Variants in TOP2B observed in about 807,000 individuals in gnomAD.
TOP2B encodes DNA topoisomerase 2-beta.
In TOP2B, 51 loss-of-function variants were observed where a neutral mutation model predicts 193.5. That is an observed-to-expected ratio of 0.26 (90% CI 0.21 to 0.33). The LOEUF is 0.33. TOP2B is among the 10% of genes least tolerant of loss of function. The pLI is 1.00. For missense variants in TOP2B, 1,378 were observed against 1,909.3 expected (o/e 0.72, Z 5.19); for synonymous variants, 634 against 635.7 (o/e 1.00, Z 0.04).
intron 1 of TOP2B, among the ~76,000 whole-genome samples, chr3:25,661,894 CTATTTT>C (rs1703924656): frequency 1.3e-5 from 2 of 152,148 alleles, no homozygotes; most frequent in Non-Finnish European, 1.5e-5. Context: ...GGGGCTAATT[CTATTTT>C]TATTTCTTTC....
chr3:25,622,095 T>C (rs1345536361), intron 21 of TOP2B, among the ~76,000 whole-genome samples: 1 of 152,214 alleles, frequency 6.6e-6, no homozygotes, highest in Non-Finnish European at 1.5e-5. Flanking sequence ...ACTTCAAGCC[T>C]TGATGCTTTG....
At chr3:25,611,380 G>A (rs1424890291) in intron 28 of TOP2B, among the ~76,000 whole-genome samples, 1 of 152,120 alleles carries the variant, frequency 6.6e-6, no homozygotes, top group Non-Finnish European at 1.5e-5. Context: ...GAAGAGAAAG[G>A]CTACTCTGGT....
Position 25,626,640 on chromosome 3 carries a change from G to C in TOP2B, c.2144C>G (p.Thr715Ser). Reference sequence around the variant, plus strand: ...TTCCTTGTTGATGAAATCATTATAAGTCAAATGCTTTGTTGCAGTACCATA... The same window carrying C: ...TTCCTTGTTGATGAAATCATTATAACTCAAATGCTTTGTTGCAGTACCATA... ...FLYGTATKHL[T>S]YNDFINKELI... is the part of the protein sequence containing the mutation. Residue 715 changes from threonine (T) to serine (S), a missense_variant, in exon 18 of 36, where the codon ACT (threonine) becomes AGT (serine). Transcript: ENST00000264331. 1 of 1,539,496 alleles carries C rather than the reference G, an allele frequency of 6.5e-7. No homozygotes were observed. Among genetic ancestry groups the C allele is most frequent in the Non-Finnish European group, 8.7e-7 (1 of 1,144,828 alleles).
In TOP2B at chr3:25,664,577, A is replaced by G. The variant is rs1704032893; in HGVS notation, c.-280T>C. 1.9e-6 allele frequency: 2 copies of G among 1,043,372 alleles called. No individual in the cohort carries two copies. The highest frequency in any genetic ancestry group is 5.6e-5 in the Admixed American group (1 of 17,768). The allele number at this position is 1,043,372 out of a possible 1,614,324, so 64.6% of individuals were successfully genotyped here. On this transcript the variant is annotated 5_prime_UTR_variant, in exon 1 of 36. Transcript: ENST00000264331. ...AGCAGGGAGCGACCGGCGGCGGCCG[A>G]GCGGCGGCGTTGCCTTCTCGCCCGC... is the stretch of plus-strand genomic sequence containing the variant.
chr3:25,644,962 AT>A (rs112922438), intron 2 of TOP2B, among the ~76,000 whole-genome samples: 310 of 144,674 alleles, frequency 2.1e-3, no homozygotes, highest in Middle Eastern at 7.2e-3. Context: ...CACCCAGAAA[AT>A]TTTTTTTTTT....
chr3:25,660,113 GA>G (rs1379040517), intron 1 of TOP2B, among the ~76,000 whole-genome samples: 7 of 152,124 alleles, frequency 4.6e-5, no homozygotes, highest in African/African-American at 9.7e-5. Flanking sequence ...CTTCGATTCA[GA>G]AAAATTAAGT....
intron 20 of TOP2B, 66 bp from the exon 21 acceptor site, chr3:25,623,812 A>G (rs1166008565): frequency 3.0e-6 from 3 of 1,013,746 alleles, no homozygotes; most frequent in African/African-American, 3.3e-5. Flanking sequence ...CTTTATACAT[A>G]ATTAAAAACT....
At chr3:25,631,119 T>C (rs1702944330) in intron 10 of TOP2B, among the ~76,000 whole-genome samples, 180 bp from the exon 11 acceptor site, 1 of 152,094 alleles carries the variant, frequency 6.6e-6, no homozygotes, top group Admixed American at 6.6e-5. Flanking sequence ...TACTGTAAAA[T>C]TAAAGCTAAA....
At chr3:25,635,085 A>C (rs1275414396) in intron 7 of TOP2B, among the ~76,000 whole-genome samples, 1 of 152,178 alleles carries the variant, frequency 6.6e-6, no homozygotes, top group African/African-American at 2.4e-5. Context: ...GAGCTGCAAG[A>C]GACAGATCAC....
At chr3:25,626,088 C>G (rs1357895702) in intron 18 of TOP2B, among the ~76,000 whole-genome samples, 2 of 151,844 alleles carry the variant, frequency 1.3e-5, no homozygotes, top group Non-Finnish European at 2.9e-5. Flanking sequence ...GATAGAAGAT[C>G]AAAATCTGCT....
At position 25,604,776 on chromosome 3, in the gene TOP2B, C is replaced by T. The variant is rs755241213; in HGVS notation, c.4473G>A (p.Thr1491=). 2.4e-5 allele frequency: 39 copies of T among 1,611,880 alleles called. No homozygotes were observed. The highest frequency in any genetic ancestry group is 3.3e-5 in the South Asian group (3 of 90,962). Residue 1491 remains threonine, a synonymous_variant, in exon 33 of 36, where the codon ACG becomes ACA. Transcript: ENST00000264331. ...AGTACATACCCTTTTTAGCAGCTAC[C>T]GTTTTACTTGGAACTTTATCTGTCT... is the stretch of plus-strand genomic sequence containing the variant. ...LKQTDKVPSK[T]VAAKKGKPSS... is the part of the protein sequence containing the mutation.
In TOP2B at chr3:25,598,122, A is replaced by G. The variant is rs1701965481; in HGVS notation, c.*185T>C. 2 of 546,392 alleles carry G rather than the reference A, an allele frequency of 3.7e-6. No individual in the cohort carries two copies. Among genetic ancestry groups the G allele is most frequent in the South Asian group, 3.0e-5 (1 of 33,052 alleles). The allele number at this position is 546,392 out of a possible 1,614,324, so 33.8% of individuals were successfully genotyped here. ...CAATCAGACAGTACGTGACATTTCA[A>G]TGAGTAAAAAAGAGCATAAAACTGT... On this transcript the variant is annotated 3_prime_UTR_variant, in exon 36 of 36. Transcript: ENST00000264331.
At chr3:25,649,241 A>G (rs1184672823) in intron 1 of TOP2B, among the ~76,000 whole-genome samples, 1 of 152,162 alleles carries the variant, frequency 6.6e-6, no homozygotes, top group Non-Finnish European at 1.5e-5. Flanking sequence ...GAGCTTAAAG[A>G]ACTTATGGGC....
intron 27 of TOP2B, among the ~76,000 whole-genome samples, chr3:25,614,660 C>T (rs892221564): frequency 1.3e-5 from 2 of 151,826 alleles, no homozygotes; most frequent in African/African-American, 2.4e-5. Flanking sequence ...TGGTATTTTA[C>T]ATTTTGCTAC....
intron 2 of TOP2B, among the ~76,000 whole-genome samples, chr3:25,644,615 C>T (rs767320471): frequency 3.5e-5 from 5 of 144,144 alleles, no homozygotes; most frequent in African/African-American, 1.3e-4. Context: ...GCAGGAGAAT[C>T]GTTTGAACCC....
intron 1 of TOP2B, among the ~76,000 whole-genome samples, chr3:25,648,477 A>G (rs1703476466): frequency 6.6e-6 from 1 of 152,198 alleles, no homozygotes; most frequent in Non-Finnish European, 1.5e-5. Flanking sequence ...CAAAGACCAG[A>G]GAGTTAGCTA....
At chr3:25,641,219 A>G (rs190632927) in intron 4 of TOP2B, among the ~76,000 whole-genome samples, 1 of 151,846 alleles carries the variant, frequency 6.6e-6, no homozygotes, top group Non-Finnish European at 1.5e-5. Flanking sequence ...AATTGCAACT[A>G]TGTTCATCAA....
At position 25,630,351 on chromosome 3, in the gene TOP2B, C is replaced by T; in HGVS notation, c.1524G>A (p.Arg508=). The stretch of plus-strand genomic sequence containing the variant: ...CTTCCCGTACATTAAGAATTTTGCC[C>T]CTGAGTGGAAAAACTCCGTATCTGT... The part of the protein sequence containing the change: ...GRDRYGVFPL[R]GKILNVREAS... Residue 508 remains arginine, a synonymous_variant, in exon 12 of 36, where the codon AGG becomes AGA. Coordinates refer to ENST00000264331, the MANE Select transcript of TOP2B (RefSeq NM_001330700.2). 6.4e-7 allele frequency: 1 copy of T among 1,551,446 alleles called. No individual in the cohort carries two copies. Among genetic ancestry groups the T allele is most frequent in the Non-Finnish European group, 8.7e-7 (1 of 1,146,792 alleles).
chr3:25,601,043 A>C (rs931528543), intron 34 of TOP2B, 57 bp downstream of exon 34: 65 of 1,560,576 alleles, frequency 4.2e-5, no homozygotes, highest in Non-Finnish European at 5.4e-5. Flanking sequence ...AGGTAGAAAA[A>C]ATTCAATCTT....
Sources: allele counts gnomAD v4.1 joint callset (sites outside exome capture counted in the v4.1 genomes callset), GRCh38; gene constraint gnomAD v4.1.1; transcripts MANE v1.5; gene names NCBI Gene and HGNC (gene_info 2026-07-23, HGNC 2026-07-21).